Variants in ALOX12B observed in about 807,000 individuals in gnomAD.
ALOX12B encodes arachidonate 12-lipoxygenase, 12R type.
In ALOX12B, 47 loss-of-function variants were observed where a neutral mutation model predicts 78.9. That is an observed-to-expected ratio of 0.60 (90% confidence interval 0.47 to 0.76). The LOEUF (loss-of-function observed/expected upper bound fraction) is 0.76. ALOX12B is among the 30% of genes least tolerant of loss of function. ALOX12B has a pLI of 0.00. For missense variants in ALOX12B, 805 were observed against 922.6 expected, an observed-to-expected ratio of 0.87 and a Z score of 1.65; for synonymous variants, 370 against 374.5, an observed-to-expected ratio of 0.99 and a Z score of 0.14.
rs375339529 is a variant in ALOX12B at position 8,073,643 on chromosome 17, G to A, written c.1755+14C>T. ...AGCCTCGGGCTGGGCCTGGGTTGGT[G>A]AGACCACCGGTACCTGGCCTGTGTT... On this transcript the variant is annotated intron_variant, in intron 13 of 14. Coordinates refer to ENST00000647874, the MANE Select transcript of ALOX12B (RefSeq NM_001139.3). 1.4e-4 allele frequency: 232 copies of A among 1,612,282 alleles called. No homozygotes were observed. Among genetic ancestry groups the A allele is most frequent in the Non-Finnish European group, 1.7e-4 (197 of 1,178,456 alleles).
rs1263314648 is a variant in ALOX12B at position 8,072,714 on chromosome 17, G to T, written c.*57C>A. 28 of 1,606,094 alleles carry T rather than the reference G, an allele frequency of 1.7e-5. No individual in the cohort carries two copies. The highest frequency in any genetic ancestry group is 2.2e-5 in the Non-Finnish European group (26 of 1,172,926). On this transcript the variant is annotated 3_prime_UTR_variant, in exon 15 of 15. Coordinates refer to ENST00000647874, the MANE Select transcript of ALOX12B (RefSeq NM_001139.3). ...TTTGTGTTTTTTGCTTGTTTGTTTTGTTTTGTTGAAAATAGTAGGGCACAG... is the reference window on the plus strand; with the variant it reads ...TTTGTGTTTTTTGCTTGTTTGTTTTTTTTTGTTGAAAATAGTAGGGCACAG...
Position 8,077,128 on chromosome 17 carries a change from C to T in ALOX12B, c.1137G>A (p.Leu379=), listed in dbSNP as rs750668635. The T allele has an allele frequency of 2.5e-6, 4 of 1,613,548 alleles. No homozygotes were observed. In the South Asian group the frequency reaches 4.4e-5, roughly 18 times the overall value. Residue 379 remains leucine (L), a synonymous_variant, in exon 9 of 15, where the codon CTG becomes CTA. Transcript: ENST00000647874. ...FLPSDSEWDW[L]LAKTWVRYAE... is the part of the protein sequence containing the mutation. ...CATAGCGTACCCACGTCTTGGCTAG[C>T]AGCCAGTCCCACTCAGAATCACTGG... is the stretch of plus-strand genomic sequence containing the variant.
In ALOX12B at chr17:8,073,771, G is replaced by A. The variant is rs1298045760; in HGVS notation, c.1655-14C>T. ...ACCTAGGGAAGCCTGACCGGCGGGG[G>A]AAAAGCCCAGGCGACATCAGTCGTG... On this transcript the variant is annotated splice_polypyrimidine_tract_variant and intron_variant, in intron 12 of 14. Coordinates refer to ENST00000647874, the MANE Select transcript of ALOX12B (RefSeq NM_001139.3). The A allele has an allele frequency of 6.2e-7, 1 of 1,609,292 alleles. No homozygotes were observed.
rs1977077635 is a variant in ALOX12B at position 8,076,240 on chromosome 17, C to T, written c.1467G>A (p.Gly489=). ...LYLPNDFVER[G]VQDLPGYYYR... is the part of the protein sequence containing the mutation. ...AGTAATATCCAGGCAGGTCCTGGAC[C>T]CCACGCTCCACAAAGTCATTGGGGA... is the stretch of plus-strand genomic sequence containing the variant. Residue 489 remains glycine (G), a synonymous_variant, in exon 11 of 15, where the codon GGG becomes GGA. Coordinates refer to ENST00000647874, the MANE Select transcript of ALOX12B (RefSeq NM_001139.3). 1 of 1,614,144 alleles carries T rather than the reference C, an allele frequency of 6.2e-7. No individual in the cohort carries two copies. Among genetic ancestry groups the T allele is most frequent in the South Asian group, 1.1e-5 (1 of 91,090 alleles).
chr17:8,080,356 A>T lies in ALOX12B; in HGVS notation c.651-18T>A. The T allele has an allele frequency of 6.2e-7, 1 of 1,613,710 alleles. No homozygotes were observed. The highest frequency in any genetic ancestry group is 8.5e-7 in the Non-Finnish European group (1 of 1,179,592). On this transcript the variant is annotated intron_variant, in intron 5 of 14. Transcript: ENST00000647874. The surrounding 1 kb of genome is among the most constrained non-coding windows in gnomAD (Gnocchi z 4.8). ...CCAGTGCCCTAGGAGATGGGATTCC[A>T]GGAAGAGGCCTTCAGAGGGGCTGCC...
chr17:8,077,257 C>A (rs990669110), intron 8 of ALOX12B, 64 bp from the exon 9 acceptor site: 2 of 1,495,946 alleles, frequency 1.3e-6, no homozygotes, highest in East Asian at 4.9e-5. Context: ...AAGGCCCCAC[C>A]GCAGGAAGGA....
At chr17:8,081,031 G>A in intron 3 of ALOX12B, 55 bp from the exon 4 acceptor site, 2 of 1,613,204 alleles carry the variant, frequency 1.2e-6, no homozygotes, top group Non-Finnish European at 8.5e-7. Context: ...CCAGGGCAAA[G>A]GGCCAGAGCC....
intron 2 of ALOX12B, among the ~76,000 whole-genome samples, chr17:8,083,161 T>C (rs1359082492): frequency 2.6e-5 from 4 of 152,056 alleles, no homozygotes; most frequent in African/African-American, 9.7e-5. Context: ...ATATGGGGTA[T>C]GTGTGTGATA....
chr17:8,085,063 TTAGA>T (rs778383424), intron 2 of ALOX12B, among the ~76,000 whole-genome samples: 7 of 152,184 alleles, frequency 4.6e-5, no homozygotes, highest in Non-Finnish European at 1.0e-4. Context: ...AGGGCCCCTA[TTAGA>T]TAGATCCTTA....
chr17:8,075,450 T>A, intron 12 of ALOX12B, 145 bp downstream of exon 12: 3 of 1,358,462 alleles, frequency 2.2e-6, no homozygotes, highest in Non-Finnish European at 3.1e-6. Context: ...GAAGAGCCTG[T>A]CAAAATCCTA....
At chr17:8,073,802 G>C in intron 12 of ALOX12B, 45 bp from the exon 13 acceptor site, 1 of 1,507,456 alleles carries the variant, frequency 6.6e-7, no homozygotes, top group Non-Finnish European at 9.2e-7. Context: ...TCGTGCCCTG[G>C]TACTGGCTGC....
chr17:8,082,399 C>T (rs1166409257), intron 2 of ALOX12B, among the ~76,000 whole-genome samples: 1 of 152,078 alleles, frequency 6.6e-6, no homozygotes. Flanking sequence ...GCGTTCTTAT[C>T]GCCATTATGT....
Position 8,081,299 on chromosome 17 carries a change from A to G in ALOX12B, c.353-112T>C. The G allele has an allele frequency of 2.4e-5, 24 of 1,012,388 alleles. 2 individuals are homozygous for G. The South Asian group carries it at 3.1e-4, about 13-fold the overall frequency. The allele number at this position is 1,012,388 out of a possible 1,614,324, so 62.7% of individuals were successfully genotyped here. Reference sequence around the variant, plus strand: ...GTCGTCTCTGGGGGGGCCCATGACCAAGGAGTGGGAAGGCTCACCTTGGGA... The same window carrying G: ...GTCGTCTCTGGGGGGGCCCATGACCGAGGAGTGGGAAGGCTCACCTTGGGA... On this transcript the variant is annotated intron_variant, in intron 2 of 14. Transcript: ENST00000647874.
intron 1 of ALOX12B, among the ~76,000 whole-genome samples, chr17:8,086,618 C>A (rs189139779): frequency 1.3e-5 from 2 of 152,300 alleles, no homozygotes; most frequent in East Asian, 3.9e-4. Context: ...TGCAGATATT[C>A]AGAATGGCCA....
At position 8,080,840 on chromosome 17, in the gene ALOX12B, G is replaced by C; in HGVS notation, c.527+44C>G. Reference sequence around the variant, plus strand: ...GGGGCGGGGAGGAGGCAGGCGCCCAGGGGAAAACCATGGGCGGGGCCCAGC... The same window carrying C: ...GGGGCGGGGAGGAGGCAGGCGCCCACGGGAAAACCATGGGCGGGGCCCAGC... On this transcript the variant is annotated intron_variant, in intron 4 of 14. Coordinates refer to ENST00000647874, the MANE Select transcript of ALOX12B (RefSeq NM_001139.3). The surrounding 1 kb of genome is among the most constrained non-coding windows in gnomAD (Gnocchi z 4.8). 5 of 1,613,804 alleles carry C rather than the reference G, an allele frequency of 3.1e-6. No individual in the cohort carries two copies. Among genetic ancestry groups the C allele is most frequent in the Non-Finnish European group, 4.2e-6 (5 of 1,179,842 alleles).
rs146006866 is a variant in ALOX12B, at chr17:8,080,146, C to T, written c.754+89G>A. ...CGCGCGCGCGCCTCGCTGCCTCTCCCGTCCCACTGCCCCGAAGTCGGGGGC... is the reference window on the plus strand; with the variant it reads ...CGCGCGCGCGCCTCGCTGCCTCTCCTGTCCCACTGCCCCGAAGTCGGGGGC... On this transcript the variant is annotated intron_variant, in intron 6 of 14. Coordinates refer to ENST00000647874, the MANE Select transcript of ALOX12B (RefSeq NM_001139.3). The surrounding 1 kb of genome is among the most constrained non-coding windows in gnomAD (Gnocchi z 4.8). 4.0e-6 allele frequency: 6 copies of T among 1,511,204 alleles called. No homozygotes were observed. The highest frequency in any genetic ancestry group is 2.3e-5 in the East Asian group (1 of 44,342). 93.6% of individuals were successfully genotyped at this position (1,511,204 alleles called of 1,614,324 possible).
At chr17:8,084,388 A>G (rs905636746) in intron 2 of ALOX12B, among the ~76,000 whole-genome samples, 3 of 152,168 alleles carry the variant, frequency 2.0e-5, no homozygotes, top group African/African-American at 7.2e-5. Flanking sequence ...GGAGTTGTGC[A>G]ACCCAGAGAC....
Position 8,079,312 on chromosome 17 carries a change from C to T in ALOX12B, c.1071+84G>A. 1 of 1,529,412 alleles carries T rather than the reference C, an allele frequency of 6.5e-7. No homozygotes were observed. The allele number at this position is 1,529,412 out of a possible 1,614,324, so 94.7% of individuals were successfully genotyped here. The stretch of plus-strand genomic sequence containing the variant: ...AGACGGCTGAATACATGCAGGTCCA[C>T]ACGCTCACATAAGCGCGCGCACACT... On this transcript the variant is annotated intron_variant, in intron 8 of 14. Coordinates refer to ENST00000647874, the MANE Select transcript of ALOX12B (RefSeq NM_001139.3). This position sits in a 1 kb window ranked among gnomAD's most constrained non-coding sequence, Gnocchi z 6.4.
Position 8,080,483 on chromosome 17 carries a change from C to G in ALOX12B, c.651-145G>C, listed in dbSNP as rs1045464274. On this transcript the variant is annotated intron_variant, in intron 5 of 14. Transcript: ENST00000647874. This position sits in a 1 kb window ranked among gnomAD's most constrained non-coding sequence, Gnocchi z 4.8. ...GTCTCTGGGTCCCATGTCTCAAGATCTTTGCATCTCTAGGTCTCTGGGATC... is the reference window on the plus strand; with the variant it reads ...GTCTCTGGGTCCCATGTCTCAAGATGTTTGCATCTCTAGGTCTCTGGGATC... 1 of 1,364,956 alleles carries G rather than the reference C, an allele frequency of 7.3e-7. No individual in the cohort carries two copies. The allele number at this position is 1,364,956 out of a possible 1,614,324, so 84.6% of individuals were successfully genotyped here. A position where few individuals can be genotyped will look rare whatever the true frequency, so the allele number is the denominator to read the frequency against.
Sources: allele counts gnomAD v4.1 joint callset (sites outside exome capture counted in the v4.1 genomes callset), GRCh38; gene constraint gnomAD v4.1.1; non-coding constraint Gnocchi (gnomAD v3.1); transcripts MANE v1.5; gene names NCBI Gene and HGNC (gene_info 2026-07-23, HGNC 2026-07-21).